SIK3: variants seen among roughly 807,000 people sequenced by gnomAD.
SIK3 encodes SIK family kinase 3.
A neutral mutation model predicts 144.2 loss-of-function variants in SIK3; 28 were observed. The ratio of observed to expected loss-of-function variants is 0.19; its 90% CI spans 0.14 to 0.27. The LOEUF (loss-of-function observed/expected upper bound fraction) is 0.27, where lower values mean the gene tolerates loss of function less well. SIK3 is among the 10% of genes least tolerant of loss of function. The probability of loss-of-function intolerance (pLI) is 1.00; values close to 1 mark genes in which losing one functional copy is unlikely to be tolerated. For synonymous variants in SIK3, 686 were observed against 676.3 expected, an observed-to-expected ratio of 1.01 and a Z score of -0.22; for missense variants, 1,319 against 1,776.0, an observed-to-expected ratio of 0.74 and a Z score of 4.62.
Position 116,883,707 on chromosome 11 carries a change from G to A in SIK3, c.866-6665C>T, listed in dbSNP as rs12290706. On this transcript the variant is annotated intron_variant, in intron 6 of 24. Coordinates refer to ENST00000445177, the MANE Select transcript of SIK3 (RefSeq NM_001366686.3). The stretch of plus-strand genomic sequence containing the variant: ...CCAGCACTCTGGGAGCCCGAGACAG[G>A]CAGATCACTTGAGGCCAGGAGTTCA... Among the ~76,000 whole-genome samples, 833 of 152,318 alleles carry A rather than the reference G, an allele frequency of 5.5e-3. 5 individuals carry two copies. The highest frequency in any genetic ancestry group is 0.019 in the African/African-American group (796 of 41,562).
chr11:117,023,618 A>C (rs1951879089), intron 1 of SIK3, among the ~76,000 whole-genome samples: 4 of 115,858 alleles, frequency 3.5e-5, no homozygotes, highest in African/African-American at 1.8e-4. Flanking sequence ...ACAAAAAAAA[A>C]AAAATATATA....
In SIK3 at chr11:116,861,260, A is replaced by T. The variant is rs777337478; in HGVS notation, c.2425+14T>A. The T allele has an allele frequency of 6.4e-7, 1 of 1,559,422 alleles. No homozygotes were observed. The highest frequency in any genetic ancestry group is 8.7e-7 in the Non-Finnish European group (1 of 1,143,074). ...GCATAAAATGAACTGTTTGGTCTGA[A>T]CCTCTCCACTCACCGTGAGGCTGGA... On this transcript the variant is annotated intron_variant, in intron 19 of 24. Transcript: ENST00000445177.
intron 1 of SIK3, among the ~76,000 whole-genome samples, chr11:116,995,922 G>A (rs571449121): frequency 7.6e-4 from 115 of 152,210 alleles, no homozygotes; most frequent in Non-Finnish European, 1.8e-4. Flanking sequence ...GGCTGAGATG[G>A]GAGAATCATT....
intron 4 of SIK3, among the ~76,000 whole-genome samples, chr11:116,918,623 C>A (rs934698244): frequency 6.6e-6 from 1 of 152,152 alleles, no homozygotes; most frequent in African/African-American, 2.4e-5. Flanking sequence ...GGTTGAGCAT[C>A]AAATTCTTGA....
At chr11:117,025,438 T>C (rs1429648821) in intron 1 of SIK3, among the ~76,000 whole-genome samples, 2 of 151,998 alleles carry the variant, frequency 1.3e-5, no homozygotes, top group Non-Finnish European at 2.9e-5. Context: ...TAATCATATC[T>C]ATGCCCAATA....
intron 1 of SIK3, among the ~76,000 whole-genome samples, chr11:117,095,609 T>C (rs1475941303): frequency 2.6e-5 from 4 of 152,222 alleles, no homozygotes; most frequent in African/African-American, 9.7e-5. Context: ...GTACTGTATG[T>C]CGACAGCTGT....
intron 1 of SIK3, among the ~76,000 whole-genome samples, chr11:117,021,193 G>T (rs1951748084): frequency 6.6e-6 from 1 of 152,178 alleles, no homozygotes; most frequent in Non-Finnish European, 1.5e-5. Context: ...CTATATTCTA[G>T]GAGTCATCCA....
Position 116,867,765 on chromosome 11 carries a change from G to T in SIK3, c.1952+181C>A. The T allele has an allele frequency of 2.0e-6, 1 of 501,440 alleles. No homozygotes were observed. The highest frequency in any genetic ancestry group is 3.4e-6 in the Non-Finnish European group (1 of 292,768). 31.1% of individuals were successfully genotyped at this position (501,440 alleles called of 1,614,324 possible). On this transcript the variant is annotated intron_variant, in intron 15 of 24. Transcript: ENST00000445177. The surrounding 1 kb of genome is among the most constrained non-coding windows in gnomAD (Gnocchi z 4.1). ...GAGGAATCTCGCATTGCTCCAGGGC[G>T]CAGTAAAAAACCTTTGCCCTGTGCA...
intron 1 of SIK3, among the ~76,000 whole-genome samples, chr11:116,976,009 A>G (rs1169108724): frequency 1.3e-5 from 2 of 152,174 alleles, no homozygotes; most frequent in African/African-American, 4.8e-5. Flanking sequence ...AACTGCATAC[A>G]CTTTGAGGGG....
Position 117,036,057 on chromosome 11 carries a change from C to T in SIK3, c.273+62086G>A, listed in dbSNP as rs1952486339. On this transcript the variant is annotated intron_variant, in intron 1 of 24. Transcript: ENST00000445177. ...AGACCCTTTGCAAGAGGCATGTTCT[C>T]GTGTGGGTAGGTCATCACCGCCGGA... 10 of 1,118,824 alleles carry T rather than the reference C, an allele frequency of 8.9e-6. No homozygotes were observed. In the South Asian group the frequency reaches 1.3e-4, roughly 14 times the overall value. 69.3% of individuals were successfully genotyped at this position (1,118,824 alleles called of 1,614,324 possible). A position where few individuals can be genotyped will look rare whatever the true frequency, so the allele number is the denominator to read the frequency against.
intron 21 of SIK3, 38 bp downstream of exon 21, chr11:116,857,772 A>G: frequency 8.1e-6 from 13 of 1,607,776 alleles, no homozygotes; most frequent in Non-Finnish European, 1.1e-5. Flanking sequence ...TGATTAGGGC[A>G]GACTGGCCCA....
chr11:117,052,672 C>CA (rs1334895802), intron 1 of SIK3, among the ~76,000 whole-genome samples: 2 of 152,176 alleles, frequency 1.3e-5, no homozygotes, highest in African/African-American at 4.8e-5. Context: ...TCCCTTTAAG[C>CA]AAAAATAAAT....
chr11:116,964,509 A>T (rs2135432208), intron 1 of SIK3, among the ~76,000 whole-genome samples: 1 of 152,182 alleles, frequency 6.6e-6, no homozygotes, highest in South Asian at 2.1e-4. Flanking sequence ...AGACACAAGG[A>T]CTCTACATGG....
chr11:116,895,805 T>G (rs1945368266), intron 6 of SIK3, among the ~76,000 whole-genome samples: 1 of 152,218 alleles, frequency 6.6e-6, no homozygotes, highest in South Asian at 2.1e-4. Context: ...ATGCAAAGCC[T>G]ACTTTATCCT....
At chr11:117,091,227 G>A (rs989408422) in intron 1 of SIK3, among the ~76,000 whole-genome samples, 3 of 110,874 alleles carry the variant, frequency 2.7e-5, no homozygotes, top group East Asian at 2.4e-4. Context: ...TTTTTGAGAC[G>A]GAGTTTCACT....
In SIK3 at chr11:117,085,551, A is replaced by C. The variant is rs572464171; in HGVS notation, c.273+12592T>G. Reference sequence around the variant, plus strand: ...TTCAAAATCCAGGAAAAAAGCGGGGAAGTGGGAAAGGTATAAATGCAAGAT... The same window carrying C: ...TTCAAAATCCAGGAAAAAAGCGGGGCAGTGGGAAAGGTATAAATGCAAGAT... On this transcript the variant is annotated intron_variant, in intron 1 of 24. Transcript: ENST00000445177. 1.5e-3 allele frequency among the ~76,000 whole-genome samples: 224 copies of C among 152,320 alleles called. 3 individuals carry two copies. The highest frequency in any genetic ancestry group is 3.4e-3 in the Middle Eastern group (1 of 294).
At chr11:117,080,974 C>T (rs938872738) in intron 1 of SIK3, among the ~76,000 whole-genome samples, 2 of 151,790 alleles carry the variant, frequency 1.3e-5, no homozygotes, top group Non-Finnish European at 2.9e-5. Context: ...CTAGAAACAA[C>T]CCTAAAATCT....
intron 4 of SIK3, among the ~76,000 whole-genome samples, chr11:116,899,047 A>G (rs550735015): frequency 5.9e-5 from 9 of 151,908 alleles, no homozygotes; most frequent in Admixed American, 3.9e-4. Context: ...GTCCTTGCCC[A>G]TGCCTATGTC....
chr11:117,053,645 T>C (rs1412784632), intron 1 of SIK3, among the ~76,000 whole-genome samples: 1 of 151,148 alleles, frequency 6.6e-6, no homozygotes. Flanking sequence ...ATTGCCTCTT[T>C]CCCCCCTCCC....
Sources: gnomAD v4.1 joint callset for allele counts (sites outside exome capture counted in the v4.1 genomes callset) on GRCh38, gnomAD v4.1.1 for gene constraint, Gnocchi (gnomAD v3.1) non-coding constraint, MANE v1.5 for transcripts, NCBI Gene and HGNC (gene_info 2026-07-23, HGNC 2026-07-21) for gene names.